RSPH14: variants seen among roughly 807,000 people sequenced by gnomAD.
RSPH14 encodes radial spoke head 14 homolog.
In RSPH14, 20 loss-of-function variants were observed where a neutral mutation model predicts 26.7. The ratio of observed to expected loss-of-function variants is 0.75; its 90% CI spans 0.53 to 1.09. RSPH14 has a LOEUF of 1.09. RSPH14 is among the 50% of genes least tolerant of loss of function. The pLI is 0.00. For synonymous variants in RSPH14, 177 were observed against 189.3 expected (o/e 0.93, Z 0.53); for missense variants, 449 against 457.2 (o/e 0.98, Z 0.16).
chr22:23,063,060 G>A (rs1046787529), intron 5 of RSPH14, among the ~76,000 whole-genome samples: 1 of 152,200 alleles, frequency 6.6e-6, no homozygotes, highest in Non-Finnish European at 1.5e-5. Flanking sequence ...GGGACAGCAG[G>A]GAGGTTACAG....
intron 5 of RSPH14, among the ~76,000 whole-genome samples, chr22:23,063,111 TGGTCCCACAGAAA>T (rs1411770300): frequency 2.6e-5 from 4 of 152,124 alleles, no homozygotes; most frequent in Non-Finnish European, 5.9e-5. Context: ...GCCACTCTCA[TGGTCCCACAGAAA>T]GGGGACCTCT....
At position 23,104,582 on chromosome 22, in the gene RSPH14, A is replaced by G. The variant is rs138291066; in HGVS notation, c.421+29444T>C. ...TCTGGGTTTTAAGACACAGATTACT[A>G]TTGTTTTAAGGGATTTGTATAATCC... is the stretch of plus-strand genomic sequence containing the variant. On this transcript the variant is annotated intron_variant, in intron 4 of 6. Coordinates refer to ENST00000216036, the MANE Select transcript of RSPH14 (RefSeq NM_014433.3). 2.9e-4 allele frequency among the ~76,000 whole-genome samples: 44 copies of G among 152,302 alleles called. No homozygotes were observed. In the East Asian group the frequency reaches 6.4e-3, roughly 22 times the overall value.
At chr22:23,173,770 G>C in the RSPH14 span, among the ~76,000 whole-genome samples, 13 of 151,954 alleles carry the variant, frequency 8.6e-5, no homozygotes, top group African/African-American at 3.1e-4. Context: ...GCAGCAGCAC[G>C]ATCTTGGCTC....
At chr22:23,140,098 C>G (rs1053852053) in intron 2 of RSPH14, 124 bp downstream of exon 2, 1 of 1,212,836 alleles carries the variant, frequency 8.2e-7, no homozygotes. Context: ...GGGCACCGCA[C>G]CTATAGTGGA....
At chr22:23,089,030 G>T (rs948106458) in intron 4 of RSPH14, among the ~76,000 whole-genome samples, 6 of 152,158 alleles carry the variant, frequency 3.9e-5, no homozygotes, top group African/African-American at 1.4e-4. Flanking sequence ...CCATCACTTC[G>T]TCTTGGCTCA....
At chr22:23,134,721 C>A (rs1041006188) in intron 3 of RSPH14, among the ~76,000 whole-genome samples, 2 of 151,844 alleles carry the variant, frequency 1.3e-5, no homozygotes, top group Non-Finnish European at 2.9e-5. Flanking sequence ...AAAAAATCAA[C>A]CAAGCTTGGT....
chr22:23,125,116 T>G (rs943317673), intron 4 of RSPH14: 44 of 152,170 alleles, frequency 2.9e-4, no homozygotes, highest in African/African-American at 9.9e-4. Context: ...CGGGGACACC[T>G]CCATTCTGAG....
upstream of RSPH14, among the ~76,000 whole-genome samples, chr22:23,149,590 T>C (rs1210620380): frequency 1.3e-5 from 2 of 152,168 alleles, no homozygotes; most frequent in Non-Finnish European, 2.9e-5. Flanking sequence ...CAAGTTGGAG[T>C]GCAGTGGCAT....
intron 4 of RSPH14, among the ~76,000 whole-genome samples, chr22:23,069,706 G>A (rs961245555): frequency 6.6e-6 from 1 of 152,158 alleles, no homozygotes; most frequent in Non-Finnish European, 1.5e-5. Flanking sequence ...GACACTGGGC[G>A]GTGGCGGCGG....
At chr22:23,164,747 C>T in the RSPH14 span, among the ~76,000 whole-genome samples, 763 of 152,224 alleles carry the variant, frequency 5.0e-3, 6 homozygotes, top group African/African-American at 0.018. Context: ...CCCTTTCCTG[C>T]TCTCTGTCCA....
chr22:23,138,454 A>G (rs143351595), intron 3 of RSPH14, among the ~76,000 whole-genome samples: 1,530 of 152,182 alleles, frequency 0.01, 22 homozygotes, highest in African/African-American at 0.035. Context: ...CCAGCTACTC[A>G]GGAGGCTGAG....
chr22:23,167,913 C>T, the RSPH14 span, among the ~76,000 whole-genome samples: 18 of 151,942 alleles, frequency 1.2e-4, no homozygotes, highest in Non-Finnish European at 2.4e-4. Flanking sequence ...AGTGCAATGG[C>T]GTGATCATAG....
chr22:23,075,625 C>T (rs1293338279), intron 4 of RSPH14, among the ~76,000 whole-genome samples: 3 of 152,194 alleles, frequency 2.0e-5, no homozygotes, highest in Admixed American at 1.3e-4. Flanking sequence ...TGCTAAGAAG[C>T]GAGACTGTTA....
At chr22:23,152,362 T>G in the RSPH14 span, 1 of 1,217,692 alleles carries the variant, frequency 8.2e-7, no homozygotes, top group Non-Finnish European at 1.2e-6. Flanking sequence ...GAGTGAGGGG[T>G]GTCTCACCAG....
chr22:23,108,935 T>C (rs1454375671), intron 4 of RSPH14, among the ~76,000 whole-genome samples: 1 of 152,138 alleles, frequency 6.6e-6, no homozygotes, highest in African/African-American at 2.4e-5. Flanking sequence ...CTACAGGAGC[T>C]TAGGAATTGT....
At chr22:23,161,601 C>T in the RSPH14 span, 2 of 1,517,948 alleles carry the variant, frequency 1.3e-6, no homozygotes, top group Non-Finnish European at 1.8e-6. Context: ...TCCCTGCACA[C>T]ACACGGACAG....
At chr22:23,092,478 G>A (rs971427872) in intron 4 of RSPH14, among the ~76,000 whole-genome samples, 1 of 152,148 alleles carries the variant, frequency 6.6e-6, no homozygotes, top group Non-Finnish European at 1.5e-5. Flanking sequence ...TCTGAAAGAC[G>A]AGGGTCCTCA....
At chr22:23,145,953 T>C, upstream of RSPH14, 8 of 984,860 alleles carry the variant, frequency 8.1e-6, no homozygotes, top group Non-Finnish European at 9.6e-6. Context: ...CCTTCGTCCT[T>C]TGCAGACTGG....
chr22:23,174,465 G>A, the RSPH14 span, among the ~76,000 whole-genome samples: 1 of 151,976 alleles, frequency 6.6e-6, no homozygotes, highest in Non-Finnish European at 1.5e-5. Context: ...AGAGAACAAG[G>A]GAAATTGAGG....
Sources: gnomAD v4.1 joint callset for allele counts (sites outside exome capture counted in the v4.1 genomes callset) on GRCh38, gnomAD v4.1.1 for gene constraint, MANE v1.5 for transcripts, NCBI Gene and HGNC (gene_info 2026-07-23, HGNC 2026-07-21) for gene names.